Variants in PSG2 observed in about 807,000 individuals in gnomAD.
The protein encoded by PSG2 is pregnancy-specific beta-1-glycoprotein 2.
PSG2 carries 49 observed loss-of-function variants against 36.2 expected under a neutral mutation model. The ratio of observed to expected loss-of-function variants is 1.35; its 90% CI spans 1.08 to 1.72. PSG2 has a LOEUF of 1.72. Ranked by LOEUF, PSG2 falls within the 40% of genes most tolerant of loss-of-function variation. The pLI is 0.00. For missense variants in PSG2, 605 were observed against 407.2 expected (o/e 1.49, Z -4.18); for synonymous variants, 261 against 155.6 (o/e 1.68, Z -5.04).
intron 2 of PSG2, among the ~76,000 whole-genome samples, chr19:43,078,682 A>C (rs575594452): frequency 6.6e-6 from 1 of 151,724 alleles, no homozygotes; most frequent in African/African-American, 2.4e-5. Flanking sequence ...CTAAGCCCTG[A>C]TCCACTGGGG....
chr19:43,075,453 G>A lies in PSG2; in HGVS notation c.610C>T (p.Leu204=), dbSNP rs147461917. The A allele has an allele frequency of 2.0e-4, 330 of 1,613,200 alleles. 12 individuals are homozygous for A. In the African/African-American group the frequency reaches 4.0e-3, roughly 20 times the overall value. The change falls in exon 3 of 6, where the codon CTA becomes TTA. Residue 204 remains leucine (L), a synonymous_variant. Transcript: ENST00000406487. ...GCAGTATACTTTGTGACACCAAATA[G>A]AAAGAGGGTCCTGTTGGTTTCGGAC... The part of the protein sequence containing the change: ...QLSETNRTLF[L]FGVTKYTAGP...
rs1440932864 is a variant in PSG2 at position 43,074,754 on chromosome 19, T to C, written c.709+600A>G. ...ATTTGTTCCAGCAGTGGCTGAGTTA[T>C]GGATGAAACAGACATAGAGCCCTCT... is the stretch of plus-strand genomic sequence containing the variant. On this transcript the variant is annotated intron_variant, in intron 3 of 5. Coordinates refer to ENST00000406487, the MANE Select transcript of PSG2 (RefSeq NM_031246.4). Among the ~76,000 whole-genome samples, 4 of 151,782 alleles carry C rather than the reference T, an allele frequency of 2.6e-5. No individual in the cohort carries two copies. In the South Asian group the frequency reaches 8.3e-4, roughly 31 times the overall value.
At chr19:43,082,432 C>T in intron 1 of PSG2, 74 bp downstream of exon 1, 1 of 1,581,128 alleles carries the variant, frequency 6.3e-7, no homozygotes, top group Admixed American at 1.7e-5. Flanking sequence ...TTTAGAACCC[C>T]ATCCTCTCCA....
chr19:43,075,255 G>T (rs1599708543), intron 3 of PSG2, 99 bp downstream of exon 3: 3 of 1,608,412 alleles, frequency 1.9e-6, no homozygotes, highest in Non-Finnish European at 2.6e-6. Context: ...AGGGGTAAAG[G>T]TCTCTGTACT....
chr19:43,080,959 C>G lies in PSG2; in HGVS notation c.352G>C (p.Gly118Arg), dbSNP rs149579909. 0.11 allele frequency: 170,463 copies of G among 1,612,176 alleles called. 10,714 individuals carry two copies. The highest frequency in any genetic ancestry group is 0.17 in the Admixed American group (10,456 of 59,872). ...LIQNVTREDA[G>R]SYTLHIIKRG... ...TTTATGATGTGTAAGGTGTAGGATC[C>G]TGCGTCCTCCCGGGTGACATTCTGG... Residue 118 changes from glycine (G) to arginine (R), a missense_variant, in exon 2 of 6, where the codon GGA (glycine) becomes CGA (arginine). Transcript: ENST00000406487.
chr19:43,070,981 C>T (rs1286365239), intron 4 of PSG2, among the ~76,000 whole-genome samples: 2 of 151,718 alleles, frequency 1.3e-5, no homozygotes, highest in East Asian at 1.9e-4. Flanking sequence ...CTGTGTCCCA[C>T]GTACTGTGCC....
intron 2 of PSG2, 40 bp from the exon 3 acceptor site, chr19:43,075,672 C>G: frequency 6.3e-7 from 1 of 1,583,560 alleles, no homozygotes; most frequent in Non-Finnish European, 8.6e-7. Flanking sequence ...TGTGTGGCAC[C>G]TTTGATTCCT....
chr19:43,066,181 G>C (rs949997612), intron 5 of PSG2, among the ~76,000 whole-genome samples: 43 of 151,870 alleles, frequency 2.8e-4, no homozygotes, highest in African/African-American at 1.0e-3. Context: ...GCAATACTTT[G>C]AGAAGTGGTT....
At chr19:43,066,664 G>C in intron 4 of PSG2, 64 bp from the exon 5 acceptor site, 1 of 1,483,038 alleles carries the variant, frequency 6.7e-7, no homozygotes, top group Non-Finnish European at 9.4e-7. Context: ...GGGAGCATCA[G>C]GAACAAGCAT....
intron 4 of PSG2, among the ~76,000 whole-genome samples, chr19:43,070,562 G>A (rs1175352378): frequency 1.3e-5 from 2 of 151,640 alleles, no homozygotes; most frequent in African/African-American, 2.4e-5. Context: ...GATGAACCTT[G>A]AAGATATTAT....
chr19:43,079,167 G>C (rs1967936744), intron 2 of PSG2, among the ~76,000 whole-genome samples: 1 of 151,622 alleles, frequency 6.6e-6, no homozygotes, highest in Non-Finnish European at 1.5e-5. Context: ...GTGGGAGGAA[G>C]ATGAGGGACA....
rs142061896 is a variant in PSG2, at chr19:43,082,554, C to T, written c.16G>A (p.Ala6Thr). The T allele has an allele frequency of 4.3e-6, 7 of 1,611,980 alleles. 1 individual carries two copies. The highest frequency in any genetic ancestry group is 5.1e-6 in the Non-Finnish European group (6 of 1,179,100). Residue 6 changes from alanine to threonine, a missense_variant, in exon 1 of 6, where the codon GCC becomes ACC. Coordinates refer to ENST00000406487, the MANE Select transcript of PSG2 (RefSeq NM_031246.4). The stretch of plus-strand genomic sequence containing the variant: ...TTGATGTGCTCTGTGCAGGGAGGGG[C>T]TGAGAGGGGCCCCATGGTCTCTGCT... Reference protein sequence around the residue: MGPLSAPPCTEHIKWK... With the variant: MGPLSTPPCTEHIKWK...
In PSG2 at chr19:43,064,247, A is replaced by T. The variant is rs936195900; in HGVS notation, c.*395T>A. ...ATAGCTTTATTACCATAAACATATGAATACTCATGAATAGATTCCCAATTC... is the reference window on the plus strand; with the variant it reads ...ATAGCTTTATTACCATAAACATATGTATACTCATGAATAGATTCCCAATTC... On this transcript the variant is annotated 3_prime_UTR_variant, in exon 6 of 6. Coordinates refer to ENST00000406487, the MANE Select transcript of PSG2 (RefSeq NM_031246.4). 5 of 183,914 alleles carry T rather than the reference A, an allele frequency of 2.7e-5. No individual in the cohort carries two copies. The highest frequency in any genetic ancestry group is 2.5e-4 in the Admixed American group (4 of 16,054). The allele number at this position is 183,914 out of a possible 1,614,324, so 11.4% of individuals were successfully genotyped here.
intron 4 of PSG2, among the ~76,000 whole-genome samples, chr19:43,071,324 G>C (rs1376963193): frequency 6.7e-6 from 1 of 148,898 alleles, no homozygotes; most frequent in Non-Finnish European, 1.5e-5. Flanking sequence ...GATGTTCCTT[G>C]TAGCTCATGG....
chr19:43,073,445 A>G (rs1333671532), intron 3 of PSG2, among the ~76,000 whole-genome samples: 1 of 151,648 alleles, frequency 6.6e-6, no homozygotes, highest in African/African-American at 2.4e-5. Flanking sequence ...GGACATTTGC[A>G]AAAGCAGAAC....
chr19:43,082,328 G>C, intron 1 of PSG2, 178 bp downstream of exon 1: 1 of 958,086 alleles, frequency 1.0e-6, no homozygotes, highest in Non-Finnish European at 1.5e-6. Context: ...TTTTAGTAGA[G>C]ACAGGGCTAC....
At chr19:43,075,085 C>T (rs1967873828) in intron 3 of PSG2, among the ~76,000 whole-genome samples, 1 of 151,806 alleles carries the variant, frequency 6.6e-6, no homozygotes, top group Non-Finnish European at 1.5e-5. Context: ...CCGCTGTGTT[C>T]ACTGATCTGG....
intron 3 of PSG2, chr19:43,072,616 C>G: frequency 6.2e-7 from 1 of 1,611,532 alleles, no homozygotes; most frequent in Non-Finnish European, 8.5e-7. Flanking sequence ...TGATTTAGGG[C>G]TTGGGCAGCT....
intron 5 of PSG2, chr19:43,065,516 T>C (rs1396711606): frequency 2.0e-5 from 3 of 151,692 alleles, no homozygotes; most frequent in African/African-American, 7.3e-5. Flanking sequence ...CTGGAACTAA[T>C]GGGTGGGGCT....
Sources: allele counts gnomAD v4.1 joint callset (sites outside exome capture counted in the v4.1 genomes callset), GRCh38; gene constraint gnomAD v4.1.1; transcripts MANE v1.5; gene names NCBI Gene and HGNC (gene_info 2026-07-23, HGNC 2026-07-21).